The following CACNB4 variants were observed in gnomAD, a reference collection of about 807,000 sequenced individuals.
The protein encoded by CACNB4 is voltage-dependent L-type calcium channel subunit beta-4.
CACNB4 carries 32 observed loss-of-function variants against 71.2 expected under a neutral mutation model. The ratio of observed to expected loss-of-function variants is 0.45; its 90% CI spans 0.34 to 0.60. CACNB4 has a LOEUF of 0.60. CACNB4 is among the 20% of genes least tolerant of loss of function. The pLI, the probability that CACNB4 is intolerant of heterozygous loss-of-function variation, is 0.01. For missense variants in CACNB4, 464 were observed against 647.9 expected (o/e 0.72, Z 3.08); for synonymous variants, 231 against 236.9 (o/e 0.97, Z 0.23).
intron 2 of CACNB4, among the ~76,000 whole-genome samples, chr2:151,918,051 T>TG (rs147384685): frequency 1.2e-3 from 176 of 151,972 alleles, no homozygotes; most frequent in Non-Finnish European, 2.2e-3. Flanking sequence ...TGAAAAAGGC[T>TG]GGGGGGGAAA....
chr2:151,855,442 T>A, intron 10 of CACNB4, 67 bp from the exon 11 acceptor site: 1 of 1,209,610 alleles, frequency 8.3e-7, no homozygotes, highest in African/African-American at 1.5e-5. Context: ...TAGAAAGATA[T>A]AGTATATTTT....
At chr2:151,922,846 T>C (rs2099859306) in intron 2 of CACNB4, among the ~76,000 whole-genome samples, 2 of 152,246 alleles carry the variant, frequency 1.3e-5, no homozygotes, top group Non-Finnish European at 2.9e-5. Context: ...TCATAAAACA[T>C]TGAGTTGATT....
intron 9 of CACNB4, among the ~76,000 whole-genome samples, chr2:151,862,139 C>T (rs529832910): frequency 7.9e-5 from 12 of 152,292 alleles, no homozygotes; most frequent in African/African-American, 2.9e-4. Flanking sequence ...TACACCCATT[C>T]TCTTCTGTTT....
rs541227658 is a variant in CACNB4, at chr2:151,903,500, CAG to C, written c.148-20132_148-20131del. ...CGCCACAGCACTCCAGCCTGAGCAGCAGAGAGAGATTGTCTTAAAAAAAAAAT... is the reference window on the plus strand; with the variant it reads ...CGCCACAGCACTCCAGCCTGAGCAGCAGAGAGATTGTCTTAAAAAAAAAAT... On this transcript the variant is annotated intron_variant, in intron 2 of 13. Transcript: ENST00000539935. Among the ~76,000 whole-genome samples the C allele has an allele frequency of 4.8e-3, 731 of 152,046 alleles. 4 individuals carry two copies. The highest frequency in any genetic ancestry group is 7.2e-3 in the Non-Finnish European group (491 of 67,984).
chr2:151,937,473 A>C (rs559051382), intron 2 of CACNB4, among the ~76,000 whole-genome samples: 109 of 152,356 alleles, frequency 7.2e-4, no homozygotes, highest in African/African-American at 2.5e-3. Flanking sequence ...AGGCCTCCCA[A>C]AAAGAAGGAA....
At chr2:152,046,344 G>A (rs528266785) in intron 2 of CACNB4, among the ~76,000 whole-genome samples, 1 of 152,290 alleles carries the variant, frequency 6.6e-6, no homozygotes, top group South Asian at 2.1e-4. Context: ...GCTCAGGAAG[G>A]TAAAAAGAGG....
At chr2:151,909,550 C>T (rs566617270) in intron 2 of CACNB4, among the ~76,000 whole-genome samples, 22 of 152,160 alleles carry the variant, frequency 1.4e-4, no homozygotes, top group African/African-American at 3.9e-4. Flanking sequence ...ACTGACCCAC[C>T]CTCTAAGATC....
At chr2:151,929,224 CT>C (rs2099861015) in intron 2 of CACNB4, among the ~76,000 whole-genome samples, 1 of 149,672 alleles carries the variant, frequency 6.7e-6, no homozygotes, top group South Asian at 2.4e-4. Context: ...GGAAAAGTAT[CT>C]GTAACTTCCA....
rs926817576 is a variant in CACNB4 at position 152,030,538 on chromosome 2, C to T, written c.147+67792G>A. Among the ~76,000 whole-genome samples the T allele has an allele frequency of 1.4e-4, 22 of 152,178 alleles. 1 individual carries two copies. The highest frequency in any genetic ancestry group is 4.8e-4 in the African/African-American group (20 of 41,434). On this transcript the variant is annotated intron_variant, in intron 2 of 13. Transcript: ENST00000539935. ...GGTTTGTTACATATGTATACATGTG[C>T]CATGTTGGTGTGCTGCACCCATTAA... is the stretch of plus-strand genomic sequence containing the variant.
intron 4 of CACNB4, among the ~76,000 whole-genome samples, 178 bp from the exon 5 acceptor site, chr2:151,876,734 G>GACAA (rs1553757332): frequency 1.5e-5 from 1 of 67,756 alleles, no homozygotes; most frequent in African/African-American, 4.7e-5. Context: ...CTATACTATA[G>GACAA]ACTATATTTT....
At chr2:152,085,427 A>G (rs1365946812) in intron 2 of CACNB4, among the ~76,000 whole-genome samples, 2 of 152,204 alleles carry the variant, frequency 1.3e-5, no homozygotes, top group South Asian at 2.1e-4. Flanking sequence ...GCTGCTTGTT[A>G]ACCCAAATCA....
At chr2:152,017,503 C>G (rs1436830241) in intron 2 of CACNB4, among the ~76,000 whole-genome samples, 1 of 3,770 alleles carries the variant, frequency 2.7e-4, no homozygotes. Flanking sequence ...GTCAGGAGAT[C>G]GAGACCCATC....
At chr2:151,890,425 A>G (rs2099850439) in intron 2 of CACNB4, among the ~76,000 whole-genome samples, 1 of 152,222 alleles carries the variant, frequency 6.6e-6, no homozygotes, top group Non-Finnish European at 1.5e-5. Context: ...TTATTATCAC[A>G]TCAACCCTAA....
intron 2 of CACNB4, among the ~76,000 whole-genome samples, chr2:151,993,261 T>G (rs562968748): frequency 1.9e-4 from 29 of 152,200 alleles, no homozygotes; most frequent in Non-Finnish European, 3.2e-4. Flanking sequence ...AAACACTCCT[T>G]GAGACAAAGT....
Position 151,903,556 on chromosome 2 carries a change from C to T in CACNB4, c.148-20186G>A, listed in dbSNP as rs1328195108. 2.6e-5 allele frequency among the ~76,000 whole-genome samples: 4 copies of T among 152,018 alleles called. No individual in the cohort carries two copies. The South Asian group carries it at 6.2e-4, about 24-fold the overall frequency. On this transcript the variant is annotated intron_variant, in intron 2 of 13. Transcript: ENST00000539935. ...TTTACTTTGAAAAGAAGAATAAAAC[C>T]GGGAATGACACTATTAAAGTGACAT...
chr2:151,982,509 C>A (rs1014859850), intron 2 of CACNB4, among the ~76,000 whole-genome samples: 7 of 152,018 alleles, frequency 4.6e-5, no homozygotes, highest in Non-Finnish European at 7.4e-5. Flanking sequence ...TGGCTGGCGC[C>A]TGTAGTCCCA....
intron 2 of CACNB4, among the ~76,000 whole-genome samples, chr2:151,892,625 G>T (rs559199871): frequency 1.3e-5 from 2 of 152,268 alleles, no homozygotes; most frequent in South Asian, 4.1e-4. Flanking sequence ...AAAACAGAAG[G>T]AGATCCCCCA....
At chr2:151,911,701 A>G (rs555914166) in intron 2 of CACNB4, among the ~76,000 whole-genome samples, 34 of 152,318 alleles carry the variant, frequency 2.2e-4, no homozygotes, top group South Asian at 8.3e-4. Context: ...AAAATGAGTT[A>G]GGGAAGAGTC....
chr2:152,030,808 T>C (rs1259888447), intron 2 of CACNB4, among the ~76,000 whole-genome samples: 2 of 152,254 alleles, frequency 1.3e-5, no homozygotes, highest in African/African-American at 4.8e-5. Flanking sequence ...TAGTATTCCA[T>C]GGTGTATATG....
Sources: allele counts gnomAD v4.1 joint callset (sites outside exome capture counted in the v4.1 genomes callset), GRCh38; gene constraint gnomAD v4.1.1; transcripts MANE v1.5; gene names NCBI Gene and HGNC (gene_info 2026-07-23, HGNC 2026-07-21).